TBX3: variants seen among roughly 807,000 people sequenced by gnomAD.
TBX3 encodes T-box transcription factor 3.
Under a neutral mutation model 47.8 loss-of-function variants are expected in TBX3, and 11 were observed. The observed-to-expected ratio is 0.23, with a 90% CI of 0.14 to 0.38. TBX3 has a LOEUF of 0.38. Ranked by LOEUF, TBX3 falls within the 10% of genes least tolerant of loss-of-function variation. TBX3 has a pLI of 1.00. For missense variants in TBX3, 927 were observed against 1,022.8 expected (o/e 0.91, Z 1.28); for synonymous variants, 500 against 449.3 (o/e 1.11, Z -1.43).
chr12:114,674,623 T>C lies in TBX3; in HGVS notation c.1252A>G (p.Ser418Gly). ...LDKASPDSRH[S>G]PATISSSTRG... is the part of the protein sequence containing the mutation. ...GTGCTGGACGAGATGGTGGCGGGGC[T>C]ATGGCGTGAGTCGGGCGACGCTTTG... Residue 418 changes from serine to glycine, a missense_variant, in exon 6 of 7, where the codon AGC becomes GGC. By Grantham distance (56) the Ser-to-Gly change is moderately conservative. Coordinates refer to ENST00000349155, the MANE Select transcript of TBX3 (RefSeq NM_005996.4). The C allele has an allele frequency of 6.2e-7, 1 of 1,605,406 alleles. No individual in the cohort carries two copies. Among genetic ancestry groups the C allele is most frequent in the Non-Finnish European group, 8.5e-7 (1 of 1,177,776 alleles).
At chr12:114,674,986 T>C in intron 5 of TBX3, 151 bp from the exon 6 acceptor site, 1 of 983,376 alleles carries the variant, frequency 1.0e-6, no homozygotes. Context: ...CACCTCAGTG[T>C]TGTCATCTGC....
At chr12:114,680,777 A>G (rs1868893528) in intron 2 of TBX3, 102 bp downstream of exon 2, 2 of 1,525,484 alleles carry the variant, frequency 1.3e-6, no homozygotes, top group Admixed American at 3.3e-5. Context: ...GCTTAGGGAG[A>G]AGCAAAGGAG....
At chr12:114,678,644 G>T (rs1157578744) in intron 3 of TBX3, among the ~76,000 whole-genome samples, 1 of 152,224 alleles carries the variant, frequency 6.6e-6, no homozygotes, top group Non-Finnish European at 1.5e-5. Context: ...GAAGTGTGTT[G>T]TCAGGTAAAA....
rs1868707304 is a variant in TBX3 at position 114,676,330 on chromosome 12, C to T, written c.1022G>A (p.Gly341Glu). The T allele has an allele frequency of 6.2e-7, 1 of 1,613,888 alleles. No homozygotes were observed. The change falls in exon 5 of 7, where the codon GGG (glycine) becomes GAG (glutamate). Residue 341 changes from glycine to glutamate, a missense_variant. Physicochemically the swap from Gly to Glu is moderately conservative, Grantham distance 98. This residue lies in a region of TBX3 where 44 missense variants were observed against 59.3 expected (regional missense o/e 0.74). Transcript: ENST00000349155. ...QASSPAASTV[G>E]TSNLKDLCPS... ...TGGTTTACCTTTGAGGTTCGATGTC[C>T]CTACAGTGGAGGCGGCTGGAGAAGA...
intron 6 of TBX3, 89 bp from the exon 7 acceptor site, chr12:114,672,391 G>A: frequency 4.2e-6 from 5 of 1,183,312 alleles, no homozygotes; most frequent in Non-Finnish European, 5.8e-6. Context: ...TCCAACATTG[G>A]GCAAGCCATG....
rs147173241 is a variant in TBX3, at chr12:114,672,995, C to T, written c.1711-693G>A. Among the ~76,000 whole-genome samples the T allele has an allele frequency of 9.7e-4, 147 of 152,310 alleles. 1 individual carries two copies. The highest frequency in any genetic ancestry group is 3.4e-3 in the African/African-American group (140 of 41,572). On this transcript the variant is annotated intron_variant, in intron 6 of 6. Coordinates refer to ENST00000349155, the MANE Select transcript of TBX3 (RefSeq NM_005996.4). ...TTCCAGGTGAGAAGCCGAGGTAGGC[C>T]GCAGGAGTTCAGGAGTGCACTAAGC...
chr12:114,675,319 G>A (rs574211115), intron 5 of TBX3, among the ~76,000 whole-genome samples: 68 of 152,262 alleles, frequency 4.5e-4, no homozygotes, highest in African/African-American at 1.6e-3. Context: ...GAATTACTCT[G>A]GAAGGATTTG....
chr12:114,673,171 G>A (rs1273015933), intron 6 of TBX3, among the ~76,000 whole-genome samples: 3 of 152,230 alleles, frequency 2.0e-5, no homozygotes, highest in Non-Finnish European at 4.4e-5. Context: ...GTCTCCCGGA[G>A]AAGCCAGCAG....
At chr12:114,672,708 A>C (rs975777504) in intron 6 of TBX3, among the ~76,000 whole-genome samples, 1 of 152,032 alleles carries the variant, frequency 6.6e-6, no homozygotes, top group Admixed American at 6.5e-5. Flanking sequence ...TTAAATGGGG[A>C]TACAGATTCA....
chr12:114,683,141 G>C lies in TBX3; in HGVS notation c.60C>G (p.Phe20Leu), dbSNP rs1869019165. ...IPGTSMAYHP[F>L]LPHRAPDFAM... ...CGAAGTCCGGCGCCCGGTGAGGTAGGAACGGATGGTAGGCCATGCTTGTCC... is the reference window on the plus strand; with the variant it reads ...CGAAGTCCGGCGCCCGGTGAGGTAGCAACGGATGGTAGGCCATGCTTGTCC... The change falls in exon 1 of 7, where the codon TTC (phenylalanine) becomes TTG (leucine). Residue 20 changes from phenylalanine (F) to leucine (L), a missense_variant. By Grantham distance (22) the Phe-to-Leu change is conservative (BLOSUM62 0). Around this residue, in one of 5 missense-constraint regions of TBX3, gnomAD observed 216 missense variants for 281.2 expected, o/e 0.77. Transcript: ENST00000349155. This position sits in a 1 kb window ranked among gnomAD's most constrained non-coding sequence, Gnocchi z 7.7. 6.2e-7 allele frequency: 1 copy of C among 1,612,600 alleles called. No individual in the cohort carries two copies. Among genetic ancestry groups the C allele is most frequent in the African/African-American group, 1.3e-5 (1 of 74,892 alleles).
At chr12:114,677,728 C>A (rs1868768089) in intron 3 of TBX3, 72 bp from the exon 4 acceptor site, 34 of 1,419,100 alleles carry the variant, frequency 2.4e-5, no homozygotes, top group Non-Finnish European at 3.2e-5. Flanking sequence ...GTGTTTTTCC[C>A]AACTCAACAA....
At chr12:114,682,646 T>C (rs531703956) in intron 1 of TBX3, among the ~76,000 whole-genome samples, 166 bp downstream of exon 1, 2 of 151,996 alleles carry the variant, frequency 1.3e-5, no homozygotes, top group African/African-American at 4.8e-5. Context: ...TAAGCTGAAA[T>C]TTCCTGCCAC....
Position 114,674,826 on chromosome 12 carries a change from G to T in TBX3, c.1049C>A (p.Pro350His). The change falls in exon 6 of 7, where the codon CCC (proline) becomes CAC (histidine). Residue 350 changes from proline to histidine, a missense_variant. Physicochemically the swap from Pro to His is moderately conservative, Grantham distance 77. This residue lies in a region of TBX3 where 623 missense variants were observed against 569.0 expected (regional missense o/e 1.09). Transcript: ENST00000349155. ...VGTSNLKDLC[P>H]SEGESDAEAE... The stretch of plus-strand genomic sequence containing the variant: ...CTCGGCGTCGCTCTCACCCTCGCTG[G>T]GACATAAATCTACCACAGGCGAAGG... 6.4e-7 allele frequency: 1 copy of T among 1,571,344 alleles called. No individual in the cohort carries two copies. The highest frequency in any genetic ancestry group is 8.6e-7 in the Non-Finnish European group (1 of 1,164,862).
chr12:114,682,931 C>T lies in TBX3; in HGVS notation c.270G>A (p.Leu90=). 6.2e-7 allele frequency: 1 copy of T among 1,614,198 alleles called. No individual in the cohort carries two copies. The highest frequency in any genetic ancestry group is 8.5e-7 in the Non-Finnish European group (1 of 1,180,042). The change falls in exon 1 of 7, where the codon TTG becomes TTA. Residue 90 remains leucine, a synonymous_variant. Coordinates refer to ENST00000349155, the MANE Select transcript of TBX3 (RefSeq NM_005996.4). The part of the protein sequence containing the change: ...SLGPQAHLRP[L]KTMEPEEEVE... ...CCTCTTCTTCGGGCTCCATGGTCTT[C>T]AAAGGCCTCAGATGCGCCTGGGGCC...
At chr12:114,680,818 G>GCA in intron 2 of TBX3, 61 bp downstream of exon 2, 1 of 1,606,664 alleles carries the variant, frequency 6.2e-7, no homozygotes, top group Non-Finnish European at 8.5e-7. Context: ...GAAATGGGAA[G>GCA]CACTGCCTTT....
At chr12:114,674,936 G>A (rs969676184) in intron 5 of TBX3, 101 bp from the exon 6 acceptor site, 1 of 1,463,066 alleles carries the variant, frequency 6.8e-7, no homozygotes, top group African/African-American at 1.4e-5. Context: ...TCGTGGCTTA[G>A]TGGCTGTGTA....
intron 5 of TBX3, among the ~76,000 whole-genome samples, chr12:114,675,459 C>A (rs529950882): frequency 3.5e-4 from 54 of 152,330 alleles, no homozygotes; most frequent in Non-Finnish European, 6.5e-4. Context: ...GGACAGATGG[C>A]TCACAGCCCG....
chr12:114,672,276 G>T lies in TBX3; in HGVS notation c.1737C>A (p.Ser579Arg). Residue 579 changes from serine to arginine, a missense_variant, in exon 7 of 7, where the codon AGC becomes AGA. By Grantham distance (110) the Ser-to-Arg change is moderately radical. Around this residue, in one of 5 missense-constraint regions of TBX3, gnomAD observed 623 missense variants for 569.0 expected, o/e 1.09. Coordinates refer to ENST00000349155, the MANE Select transcript of TBX3 (RefSeq NM_005996.4). ...SQGLAMSPFG[S>R]LFPYPYTYMA... Reference sequence around the variant, plus strand: ...TGTACGTGTAGGGGTAAGGGAACAGGCTTCCGAAAGGGGACATGGCCAGGC... The same window carrying T: ...TGTACGTGTAGGGGTAAGGGAACAGTCTTCCGAAAGGGGACATGGCCAGGC... 6.4e-7 allele frequency: 1 copy of T among 1,571,700 alleles called. No homozygotes were observed. Among genetic ancestry groups the T allele is most frequent in the Non-Finnish European group, 8.6e-7 (1 of 1,159,778 alleles).
rs540347985 is a variant in TBX3, at chr12:114,677,187, G to A, written c.881+393C>T. Among the ~76,000 whole-genome samples the A allele has an allele frequency of 8.5e-5, 13 of 152,152 alleles. No homozygotes were observed. In the South Asian group the frequency reaches 2.1e-3, roughly 24 times the overall value. On this transcript the variant is annotated intron_variant, in intron 4 of 6. Transcript: ENST00000349155. ...GAGGGAGAGAGCCATACATCTTTCC[G>A]AAGTCCCCAGCTCTGTCTGATGGTA...
Sources: allele counts gnomAD v4.1 joint callset (sites outside exome capture counted in the v4.1 genomes callset), GRCh38; gene constraint gnomAD v4.1.1; regional missense constraint gnomAD v4.1.1; non-coding constraint Gnocchi (gnomAD v3.1); transcripts MANE v1.5; gene names NCBI Gene and HGNC (gene_info 2026-07-23, HGNC 2026-07-21).